CEP70: variants seen among roughly 807,000 people sequenced by gnomAD.
The protein encoded by CEP70 is centrosomal protein of 70 kDa.
CEP70 carries 70 observed loss-of-function variants against 90.9 expected under a neutral mutation model. The ratio of observed to expected loss-of-function variants is 0.77; its 90% CI spans 0.64 to 0.94. The LOEUF is 0.94. Among genes scored for constraint, CEP70 ranks in the 40% least tolerant of loss-of-function variants. The pLI, the probability that CEP70 is intolerant of heterozygous loss-of-function variation, is 0.00. For missense variants in CEP70, 648 were observed against 669.0 expected (o/e 0.97, Z 0.35); for synonymous variants, 220 against 228.3 (o/e 0.96, Z 0.33).
intron 2 of CEP70, among the ~76,000 whole-genome samples, chr3:138,584,461 CAAA>C (rs35985463): frequency 2.2e-5 from 2 of 92,176 alleles, no homozygotes; most frequent in African/African-American, 4.4e-5. Context: ...AAAGACATAT[CAAA>C]AAAAAAAAAA....
chr3:138,559,897 T>A (rs2040276153), intron 6 of CEP70, among the ~76,000 whole-genome samples: 2 of 152,188 alleles, frequency 1.3e-5, no homozygotes, highest in Admixed American at 1.3e-4. Flanking sequence ...ACTACCAACT[T>A]ATAATTCTAT....
chr3:138,584,756 TA>T (rs550332869), intron 2 of CEP70, among the ~76,000 whole-genome samples: 17 of 147,114 alleles, frequency 1.2e-4, no homozygotes, highest in Admixed American at 5.4e-4. Flanking sequence ...CTTCATGATT[TA>T]AAAAAAAAAC....
intron 11 of CEP70, among the ~76,000 whole-genome samples, chr3:138,519,171 A>G (rs1247741368): frequency 4.6e-5 from 7 of 152,208 alleles, no homozygotes; most frequent in Admixed American, 4.6e-4. Context: ...TCCAAGAAAC[A>G]TGGGACTATG....
intron 11 of CEP70, among the ~76,000 whole-genome samples, chr3:138,524,448 G>T (rs540734398): frequency 6.6e-6 from 1 of 152,222 alleles, no homozygotes; most frequent in South Asian, 2.1e-4. Context: ...TGAACAGAGT[G>T]AATCAGAGTG....
chr3:138,505,393 C>G lies in CEP70; in HGVS notation c.1123G>C (p.Gly375Arg). ...PVIIYKQTKG[G>R]VQNFNKDLVQ... is the part of the protein sequence containing the mutation. Reference sequence around the variant, plus strand: ...AGATCTTTATTAAAATTTTGGACTCCCCCTTTGGTCTGTTTATAAATTATT... The same window carrying G: ...AGATCTTTATTAAAATTTTGGACTCGCCCTTTGGTCTGTTTATAAATTATT... Residue 375 changes from glycine (G) to arginine (R), a missense_variant, in exon 13 of 18, where the codon GGA becomes CGA. By Grantham distance (125) the Gly-to-Arg change is moderately radical. Transcript: ENST00000264982. The G allele has an allele frequency of 6.2e-7, 1 of 1,611,656 alleles. No homozygotes were observed.
At chr3:138,593,551 G>C (rs969861518) in intron 1 of CEP70, among the ~76,000 whole-genome samples, 1 of 152,176 alleles carries the variant, frequency 6.6e-6, no homozygotes, top group African/African-American at 2.4e-5. Flanking sequence ...GAAAAACAAA[G>C]TGGCAGTAAA....
chr3:138,502,409 T>C (rs2034598006), intron 13 of CEP70, among the ~76,000 whole-genome samples: 1 of 152,132 alleles, frequency 6.6e-6, no homozygotes, highest in South Asian at 2.1e-4. Context: ...CACTCTCCAC[T>C]TAAGGCTCAG....
intron 10 of CEP70, among the ~76,000 whole-genome samples, chr3:138,528,907 G>A (rs559342178): frequency 2.0e-4 from 31 of 152,224 alleles, no homozygotes; most frequent in Non-Finnish European, 3.4e-4. Flanking sequence ...CAGAAGAATC[G>A]CTTGAACCTG....
intron 2 of CEP70, among the ~76,000 whole-genome samples, chr3:138,589,023 G>A (rs1165776968): frequency 6.6e-6 from 1 of 152,126 alleles, no homozygotes; most frequent in Non-Finnish European, 1.5e-5. Flanking sequence ...ACCAACTGTG[G>A]TGATAGAAAG....
chr3:138,543,642 C>A (rs2038941655), intron 6 of CEP70, among the ~76,000 whole-genome samples: 1 of 152,168 alleles, frequency 6.6e-6, no homozygotes, highest in Non-Finnish European at 1.5e-5. Context: ...AGCACGCAGC[C>A]CTGCCTGCAC....
intron 17 of CEP70, chr3:138,496,557 G>A (rs1316384504): frequency 6.1e-6 from 6 of 985,154 alleles, no homozygotes; most frequent in Non-Finnish European, 7.2e-6. Context: ...CACAGCAAAG[G>A]ACCTTGGCCG....
intron 17 of CEP70, chr3:138,497,723 T>C: frequency 1.0e-6 from 1 of 985,292 alleles, no homozygotes; most frequent in South Asian, 4.7e-5. Flanking sequence ...AGATCATAAA[T>C]CCTAAGAATA....
At chr3:138,575,086 T>C (rs1181793434) in intron 2 of CEP70, among the ~76,000 whole-genome samples, 1 of 152,138 alleles carries the variant, frequency 6.6e-6, no homozygotes, top group East Asian at 1.9e-4. Context: ...AGAACAAAGC[T>C]GGATGGAGAA....
In CEP70 at chr3:138,586,770, C is replaced by T. The variant is rs572976874; in HGVS notation, c.-6+5084G>A. ...GAATAAGATCTAATATTTGCTAGCA[C>T]AATGGGTTGACTATATTCAATAATA... On this transcript the variant is annotated intron_variant, in intron 2 of 17. Coordinates refer to ENST00000264982, the MANE Select transcript of CEP70 (RefSeq NM_024491.4). Among the ~76,000 whole-genome samples the T allele has an allele frequency of 4.3e-4, 65 of 152,248 alleles. 1 individual carries two copies. The highest frequency in any genetic ancestry group is 1.5e-3 in the African/African-American group (64 of 41,552).
chr3:138,518,572 G>C (rs2036287202), intron 11 of CEP70, among the ~76,000 whole-genome samples: 1 of 152,250 alleles, frequency 6.6e-6, no homozygotes, highest in Middle Eastern at 3.4e-3. Context: ...AGGCAAACAG[G>C]GTCTGGAGTG....
chr3:138,570,897 T>G, intron 5 of CEP70, 137 bp downstream of exon 5: 1 of 676,516 alleles, frequency 1.5e-6, no homozygotes, highest in Non-Finnish European at 2.3e-6. Flanking sequence ...ATTTACCTAT[T>G]AAAATTTTAC....
chr3:138,556,423 G>C (rs1029321084), intron 6 of CEP70, among the ~76,000 whole-genome samples: 1 of 150,502 alleles, frequency 6.6e-6, no homozygotes, highest in Non-Finnish European at 1.5e-5. Flanking sequence ...AGCTACTCAG[G>C]AGGCTGATGC....
chr3:138,590,687 T>G (rs1480965046), intron 2 of CEP70, among the ~76,000 whole-genome samples: 1 of 150,846 alleles, frequency 6.6e-6, no homozygotes, highest in Admixed American at 6.6e-5. Flanking sequence ...GGTGTGTGCC[T>G]ATAATCCCAG....
At chr3:138,585,286 AT>A (rs1254613944) in intron 2 of CEP70, among the ~76,000 whole-genome samples, 1 of 152,182 alleles carries the variant, frequency 6.6e-6, no homozygotes, top group Non-Finnish European at 1.5e-5. Context: ...CAGTAATCCC[AT>A]TTACAATAGC....
Sources: gnomAD v4.1 joint callset for allele counts (sites outside exome capture counted in the v4.1 genomes callset) on GRCh38, gnomAD v4.1.1 for gene constraint, MANE v1.5 for transcripts, NCBI Gene and HGNC (gene_info 2026-07-23, HGNC 2026-07-21) for gene names.